Variants in SKP2 observed in about 807,000 individuals in gnomAD.
The protein encoded by SKP2 is S-phase kinase associated protein 2.
Under a neutral mutation model 51.8 loss-of-function variants are expected in SKP2, and 16 were observed. That is an observed-to-expected ratio of 0.31 (90% CI 0.21 to 0.47). SKP2 has a LOEUF of 0.47. Among genes scored for constraint, SKP2 ranks in the 20% least tolerant of loss-of-function variants. The pLI is 1.00. For missense variants in SKP2, 377 were observed against 505.3 expected (o/e 0.75, Z 2.43); for synonymous variants, 176 against 198.6 (o/e 0.89, Z 0.96).
intron 2 of SKP2, among the ~76,000 whole-genome samples, chr5:36,156,225 T>A (rs577942786): frequency 6.6e-6 from 1 of 152,258 alleles, no homozygotes; most frequent in African/African-American, 2.4e-5. Context: ...GAGGGACAGC[T>A]GGTATAGAGG....
At chr5:36,163,309 G>C (rs27129) in intron 2 of SKP2, among the ~76,000 whole-genome samples, 33,870 of 152,098 alleles carry the variant, frequency 0.22, 6,260 homozygotes, top group African/African-American at 0.51. Flanking sequence ...TCATGCCACA[G>C]CCTCCGATTG....
rs566923156 is a variant in SKP2, at chr5:36,171,049, C to T, written c.771-554C>T. 7.9e-5 allele frequency among the ~76,000 whole-genome samples: 12 copies of T among 152,064 alleles called. No homozygotes were observed. The South Asian group carries it at 8.3e-4, about 11-fold the overall frequency. ...TTAAAATAGATTGCCTCTGGATATG[C>T]GTGTTATCAGTGAGATCAAATGTAT... On this transcript the variant is annotated intron_variant, in intron 6 of 9. Transcript: ENST00000274255.
intron 9 of SKP2, among the ~76,000 whole-genome samples, chr5:36,179,952 T>C (rs1409449373): frequency 2.6e-5 from 4 of 151,858 alleles, no homozygotes; most frequent in African/African-American, 9.7e-5. Flanking sequence ...TTAGAGACTT[T>C]CTGGATTTTT....
intron 7 of SKP2, among the ~76,000 whole-genome samples, chr5:36,174,680 G>A (rs1353759013): frequency 1.3e-5 from 2 of 152,076 alleles, no homozygotes; most frequent in Non-Finnish European, 2.9e-5. Flanking sequence ...AGGACGAAGA[G>A]CAAAGCAGAG....
rs532244670 is a variant in SKP2 at position 36,166,485 on chromosome 5, C to T, written c.393-34C>T. The T allele has an allele frequency of 3.4e-5, 54 of 1,607,416 alleles. No homozygotes were observed. The East Asian group carries it at 4.7e-4, about 14-fold the overall frequency. On this transcript the variant is annotated intron_variant, in intron 3 of 9. Transcript: ENST00000274255. The stretch of plus-strand genomic sequence containing the variant: ...GAGGGCTTCCAGCATTTAGTGTGAC[C>T]GACTGGCCAAATTAAGTATCTCCTC...
rs746867687 is a variant in SKP2 at position 36,152,306 on chromosome 5, G to A, written c.8+36G>A. On this transcript the variant is annotated intron_variant, in intron 1 of 9. Transcript: ENST00000274255. ...TGCAAAAAGGGGAAGAGCATGAAAT[G>A]GACCCTCTTAATAATTCTTTTAGGC... The A allele has an allele frequency of 2.9e-5, 46 of 1,598,156 alleles. No homozygotes were observed. The South Asian group carries it at 5.1e-4, about 18-fold the overall frequency.
chr5:36,190,613 T>C (rs1163574097), intron 6 of SKP2, among the ~76,000 whole-genome samples: 1 of 146,450 alleles, frequency 6.8e-6, no homozygotes, highest in South Asian at 2.2e-4. Flanking sequence ...GATTCTTGAA[T>C]ATCACCCAAT....
Position 36,152,935 on chromosome 5 carries a change from A to T in SKP2, c.173A>T (p.Asn58Ile). ...SENIPQELLS[N>I]LGHPESPPRK... ...AACATCCCCCAGGAACTGCTCTCAAACCTGGGCCACCCGGAGAGCCCCCCA... is the reference window on the plus strand; with the variant it reads ...AACATCCCCCAGGAACTGCTCTCAATCCTGGGCCACCCGGAGAGCCCCCCA... Residue 58 changes from asparagine (N) to isoleucine (I), a missense_variant, in exon 2 of 10, where the codon AAC becomes ATC. By Grantham distance (149) the Asn-to-Ile change is moderately radical (BLOSUM62 -3). This residue lies in a region of SKP2 where 115 missense variants were observed against 115.5 expected (regional missense o/e 1.00). Coordinates refer to ENST00000274255, the MANE Select transcript of SKP2 (RefSeq NM_005983.4). 6.2e-7 allele frequency: 1 copy of T among 1,614,064 alleles called. No individual in the cohort carries two copies. Among genetic ancestry groups the T allele is most frequent in the South Asian group, 1.1e-5 (1 of 91,072 alleles).
At position 36,152,113 on chromosome 5, in the gene SKP2, T is replaced by G; in HGVS notation, c.-150T>G. On this transcript the variant is annotated 5_prime_UTR_variant, in exon 1 of 10. Transcript: ENST00000274255. ...GGGCTGTAGAGCCTTGCGCGCGCAG[T>G]GGGGATGGAACGTTGCTAGGCTTAG... 1.3e-6 allele frequency: 1 copy of G among 752,414 alleles called. No individual in the cohort carries two copies. Among genetic ancestry groups the G allele is most frequent in the Non-Finnish European group, 2.3e-6 (1 of 436,210 alleles). The allele number at this position is 752,414 out of a possible 1,614,324, so 46.6% of individuals were successfully genotyped here.
At chr5:36,179,348 C>CTATG (rs1229876985) in intron 9 of SKP2, among the ~76,000 whole-genome samples, 6 of 151,966 alleles carry the variant, frequency 3.9e-5, no homozygotes, top group Non-Finnish European at 1.5e-5. Context: ...AGAGAGCCAT[C>CTATG]TATGCTAAAG....
At chr5:36,166,378 A>G in intron 3 of SKP2, 141 bp from the exon 4 acceptor site, 1 of 653,176 alleles carries the variant, frequency 1.5e-6, no homozygotes, top group Non-Finnish European at 2.6e-6. Flanking sequence ...CTAATTGTAT[A>G]GCCAACTTAA....
chr5:36,162,739 A>G (rs185324001), intron 2 of SKP2, among the ~76,000 whole-genome samples: 3 of 152,350 alleles, frequency 2.0e-5, no homozygotes, highest in African/African-American at 7.2e-5. Flanking sequence ...GAAAGAAAGC[A>G]TATTAGTCTG....
At position 36,152,804 on chromosome 5, in the gene SKP2, C is replaced by T. The variant is rs1401657576; in HGVS notation, c.42C>T (p.Ser14=). ...TCCAGGAGATTCCAGACCTGAGTAG[C>T]AACGTTGCCACCAGCTTCACGTGGG... ...KHLQEIPDLS[S]NVATSFTWGW... is the part of the protein sequence containing the mutation. Residue 14 remains serine, a synonymous_variant, in exon 2 of 10, where the codon AGC becomes AGT. Coordinates refer to ENST00000274255, the MANE Select transcript of SKP2 (RefSeq NM_005983.4). The T allele has an allele frequency of 6.2e-7, 1 of 1,614,010 alleles. No homozygotes were observed. Among genetic ancestry groups the T allele is most frequent in the East Asian group, 2.2e-5 (1 of 44,874 alleles).
At chr5:36,166,716 A>C in intron 4 of SKP2, 54 bp downstream of exon 4, 3 of 1,410,746 alleles carry the variant, frequency 2.1e-6, no homozygotes, top group East Asian at 2.3e-5. Context: ...AGGTAGAAAC[A>C]GATCAAAGCT....
At chr5:36,185,963 C>T (rs998029221), downstream of SKP2, among the ~76,000 whole-genome samples, 39 of 152,130 alleles carry the variant, frequency 2.6e-4, no homozygotes, top group African/African-American at 8.7e-4. Context: ...TGAAGAGGTC[C>T]TTCCCATCCC....
At chr5:36,190,861 A>ATT (rs1561048126) in intron 6 of SKP2, among the ~76,000 whole-genome samples, 1 of 152,028 alleles carries the variant, frequency 6.6e-6, no homozygotes, top group East Asian at 1.9e-4. Flanking sequence ...ATACCTCTAA[A>ATT]AGTTAGGGAT....
chr5:36,183,221 T>G lies in SKP2; in HGVS notation c.*1190T>G, dbSNP rs1745866731. 2 of 964,562 alleles carry G rather than the reference T, an allele frequency of 2.1e-6. No homozygotes were observed. The highest frequency in any genetic ancestry group is 3.5e-5 in the African/African-American group (2 of 57,026). 59.8% of individuals were successfully genotyped at this position (964,562 alleles called of 1,614,324 possible). A position where few individuals can be genotyped will look rare whatever the true frequency, so the allele number is the denominator to read the frequency against. ...TTTGATACCATCAGTGATATATATT[T>G]TTTTAAACTGGTACAGAGAAGTGAA... On this transcript the variant is annotated 3_prime_UTR_variant, in exon 10 of 10. Transcript: ENST00000274255.
At chr5:36,180,224 T>C (rs1171885943) in intron 9 of SKP2, 2 of 1,323,178 alleles carry the variant, frequency 1.5e-6, no homozygotes, top group South Asian at 1.1e-5. Flanking sequence ...AGAATTCTCA[T>C]AGTAATTACA....
intron 2 of SKP2, among the ~76,000 whole-genome samples, chr5:36,154,392 C>T (rs916443536): frequency 9.9e-5 from 15 of 151,954 alleles, no homozygotes; most frequent in Admixed American, 8.5e-4. Context: ...GTGGAATGAG[C>T]GAAAGGGAGA....
Sources: allele counts gnomAD v4.1 joint callset (sites outside exome capture counted in the v4.1 genomes callset), GRCh38; gene constraint gnomAD v4.1.1; regional missense constraint gnomAD v4.1.1; transcripts MANE v1.5; gene names NCBI Gene and HGNC (gene_info 2026-07-23, HGNC 2026-07-21).